Variants in SSTR1 observed in about 807,000 individuals in gnomAD.
SSTR1 encodes somatostatin receptor 1.
Under a neutral mutation model 20.7 loss-of-function variants are expected in SSTR1, and 10 were observed. That is an observed-to-expected ratio of 0.48 (90% CI 0.30 to 0.82). SSTR1 has a LOEUF of 0.82. SSTR1 is among the 40% of genes least tolerant of loss of function. The pLI is 0.07. For synonymous variants in SSTR1, 267 were observed against 227.8 expected (o/e 1.17, Z -1.55); for missense variants, 494 against 540.0 (o/e 0.91, Z 0.84).
rs922214514 is a variant in SSTR1, at chr14:38,212,696, T to C, written c.*2131T>C. The C allele has an allele frequency of 1.8e-5, 3 of 166,922 alleles. No homozygotes were observed. Among genetic ancestry groups the C allele is most frequent in the African/African-American group, 7.2e-5 (3 of 41,392 alleles). The allele number at this position is 166,922 out of a possible 1,614,324, so 10.3% of individuals were successfully genotyped here. On this transcript the variant is annotated 3_prime_UTR_variant, in exon 3 of 3. Transcript: ENST00000267377. ...CAATCTGGAGATACTAAATCTGGGG[T>C]TCTCAGGTTCACTCATTGACATGAT...
rs751461076 is a variant in SSTR1, at chr14:38,210,054, G to A, written c.665G>A (p.Gly222Asp). The A allele has an allele frequency of 2.5e-6, 4 of 1,614,190 alleles. No homozygotes were observed. The highest frequency in any genetic ancestry group is 3.4e-6 in the Non-Finnish European group (4 of 1,180,046). Residue 222 changes from glycine to aspartate, a missense_variant, in exon 3 of 3, where the codon GGC becomes GAC. Gly to Asp is a moderately conservative substitution (Grantham distance 94, BLOSUM62 -1). Coordinates refer to ENST00000267377, the MANE Select transcript of SSTR1 (RefSeq NM_001049.3). The part of the protein sequence containing the change: ...MPEPAQRWLV[G>D]FVLYTFLMGF... Reference sequence around the variant, plus strand: ...GAGCCCGCTCAACGCTGGCTGGTGGGCTTCGTGTTGTACACATTTCTCATG... The same window carrying A: ...GAGCCCGCTCAACGCTGGCTGGTGGACTTCGTGTTGTACACATTTCTCATG...
chr14:38,212,004 C>G lies in SSTR1; in HGVS notation c.*1439C>G, dbSNP rs912182530. ...GGGCCCTCTTATCTCATCCTTTCCTCTAGCTTTTCTATTTTTGATTGTGTT... is the reference window on the plus strand; with the variant it reads ...GGGCCCTCTTATCTCATCCTTTCCTGTAGCTTTTCTATTTTTGATTGTGTT... On this transcript the variant is annotated 3_prime_UTR_variant, in exon 3 of 3. Transcript: ENST00000267377. 1 of 166,994 alleles carries G rather than the reference C, an allele frequency of 6.0e-6. No homozygotes were observed. Among genetic ancestry groups the G allele is most frequent in the African/African-American group, 2.4e-5 (1 of 41,422 alleles). The allele number at this position is 166,994 out of a possible 1,614,324, so 10.3% of individuals were successfully genotyped here. A position where few individuals can be genotyped will look rare whatever the true frequency, so the allele number is the denominator to read the frequency against.
Position 38,209,176 on chromosome 14 carries a change from A to G in SSTR1, c.-214A>G. ...GGTCGCCTGTGCCCGGGCACCCCGG[A>G]GCTGCAAACTGCAGAGCCCAGGCAA... On this transcript the variant is annotated 5_prime_UTR_variant, in exon 3 of 3. Transcript: ENST00000267377. 2.1e-6 allele frequency: 1 copy of G among 474,570 alleles called. No homozygotes were observed. Among genetic ancestry groups the G allele is most frequent in the Non-Finnish European group, 3.5e-6 (1 of 288,722 alleles). 29.4% of individuals were successfully genotyped at this position (474,570 alleles called of 1,614,324 possible). A position where few individuals can be genotyped will look rare whatever the true frequency, so the allele number is the denominator to read the frequency against.
Position 38,209,534 on chromosome 14 carries a change from G to A in SSTR1, c.145G>A (p.Gly49Arg), listed in dbSNP as rs772331805. The change falls in exon 3 of 3, where the codon GGG becomes AGG. Residue 49 changes from glycine (G) to arginine (R), a missense_variant. Coordinates refer to ENST00000267377, the MANE Select transcript of SSTR1 (RefSeq NM_001049.3). ...EEPGRNASQN[G>R]TLSEGQGSAI... ...GCCAGGGCGAAATGCGTCCCAGAACGGGACCTTGAGCGAGGGCCAGGGCAG... is the reference window on the plus strand; with the variant it reads ...GCCAGGGCGAAATGCGTCCCAGAACAGGACCTTGAGCGAGGGCCAGGGCAG... 3.1e-6 allele frequency: 5 copies of A among 1,598,710 alleles called. No individual in the cohort carries two copies. Among genetic ancestry groups the A allele is most frequent in the Non-Finnish European group, 3.4e-6 (4 of 1,170,454 alleles).
At position 38,211,774 on chromosome 14, in the gene SSTR1, G is replaced by T. The variant is rs1001377547; in HGVS notation, c.*1209G>T. On this transcript the variant is annotated 3_prime_UTR_variant, in exon 3 of 3. Transcript: ENST00000267377. ...TCTCTAGAGGGTTGCTGCCTTTCAAGCGGTGCCTAAGAAGTTATTTTCTTG... is the reference window on the plus strand; with the variant it reads ...TCTCTAGAGGGTTGCTGCCTTTCAATCGGTGCCTAAGAAGTTATTTTCTTG... 1.2e-5 allele frequency: 2 copies of T among 167,138 alleles called. No homozygotes were observed. The highest frequency in any genetic ancestry group is 4.8e-5 in the African/African-American group (2 of 41,482). 10.4% of individuals were successfully genotyped at this position (167,138 alleles called of 1,614,324 possible).
rs1178719122 is a variant in SSTR1 at position 38,211,080 on chromosome 14, A to C, written c.*515A>C. 5.9e-6 allele frequency: 1 copy of C among 168,706 alleles called. No individual in the cohort carries two copies. Among genetic ancestry groups the C allele is most frequent in the African/African-American group, 2.4e-5 (1 of 41,406 alleles). 10.5% of individuals were successfully genotyped at this position (168,706 alleles called of 1,614,324 possible). A position where few individuals can be genotyped will look rare whatever the true frequency, so the allele number is the denominator to read the frequency against. On this transcript the variant is annotated 3_prime_UTR_variant, in exon 3 of 3. Transcript: ENST00000267377. ...AGGTTCTGTCTGGTGCCCCTACTGG[A>C]GTCCCGGGAATGACCGCTCTCCCTT...
Position 38,209,776 on chromosome 14 carries a change from C to G in SSTR1, c.387C>G (p.Leu129=), listed in dbSNP as rs1883288270. The change falls in exon 3 of 3, where the codon CTC becomes CTG. Residue 129 remains leucine (L), a synonymous_variant. Transcript: ENST00000267377. Reference sequence around the variant, plus strand: ...GCCACTGGCCCTTCGGTGCGCTGCTCTGCCGCCTCGTGCTCAGCGTGGACG... The same window carrying G: ...GCCACTGGCCCTTCGGTGCGCTGCTGTGCCGCCTCGTGCTCAGCGTGGACG... ...LLRHWPFGAL[L]CRLVLSVDAV... 6.2e-7 allele frequency: 1 copy of G among 1,614,056 alleles called. No homozygotes were observed. The highest frequency in any genetic ancestry group is 8.5e-7 in the Non-Finnish European group (1 of 1,180,048).
rs1380151768 is a variant in SSTR1 at position 38,212,746 on chromosome 14, A to G, written c.*2181A>G. 2.4e-5 allele frequency: 4 copies of G among 167,052 alleles called. No individual in the cohort carries two copies. Among genetic ancestry groups the G allele is most frequent in the Non-Finnish European group, 5.9e-5 (4 of 68,126 alleles). The allele number at this position is 167,052 out of a possible 1,614,324, so 10.3% of individuals were successfully genotyped here. A position where few individuals can be genotyped will look rare whatever the true frequency, so the allele number is the denominator to read the frequency against. ...TATACAATGGTTAAAATCACTATTG[A>G]AAAATACGTTTTGTGTATATTTGCT... is the stretch of plus-strand genomic sequence containing the variant. On this transcript the variant is annotated 3_prime_UTR_variant, in exon 3 of 3. Coordinates refer to ENST00000267377, the MANE Select transcript of SSTR1 (RefSeq NM_001049.3).
intron 2 of SSTR1, 40 bp downstream of exon 2, chr14:38,208,649 CAAGGCAAGCGAGG>C (rs1394842349): frequency 1.3e-5 from 2 of 152,498 alleles, no homozygotes. Context: ...GTCTGAGCTG[CAAGGCAAGCGAGG>C]GTGGGAAGAG....
At position 38,208,070 on chromosome 14, in the gene SSTR1, A is replaced by C. The variant is rs909799520; in HGVS notation, c.-546A>C. 6.6e-6 allele frequency: 1 copy of C among 152,248 alleles called. No homozygotes were observed. Among genetic ancestry groups the C allele is most frequent in the African/African-American group, 2.4e-5 (1 of 41,460 alleles). 9.4% of individuals were successfully genotyped at this position (152,248 alleles called of 1,614,324 possible). On this transcript the variant is annotated 5_prime_UTR_variant, in exon 1 of 3. Transcript: ENST00000267377. ...GCGTCCCCGCCCGCCCAAGCCTTTAAACTCTCGTCTGCCAGAACCCGCCAA... is the reference window on the plus strand; with the variant it reads ...GCGTCCCCGCCCGCCCAAGCCTTTACACTCTCGTCTGCCAGAACCCGCCAA...
At position 38,209,351 on chromosome 14, in the gene SSTR1, C is replaced by T; in HGVS notation, c.-39C>T. The T allele has an allele frequency of 3.5e-6, 5 of 1,445,160 alleles. No individual in the cohort carries two copies. The highest frequency in any genetic ancestry group is 3.6e-6 in the Non-Finnish European group (4 of 1,100,104). 89.5% of individuals were successfully genotyped at this position (1,445,160 alleles called of 1,614,324 possible). Reference sequence around the variant, plus strand: ...AGGCGGCGGGTGCGCGAGGAGAAAGCCCCAGCCCTGGCAGCCCCACTGGCC... The same window carrying T: ...AGGCGGCGGGTGCGCGAGGAGAAAGTCCCAGCCCTGGCAGCCCCACTGGCC... On this transcript the variant is annotated 5_prime_UTR_variant, in exon 3 of 3. Transcript: ENST00000267377.
At position 38,208,028 on chromosome 14, in the gene SSTR1, T is replaced by A. The variant is rs1883244005; in HGVS notation, c.-588T>A. 1 of 152,236 alleles carries A rather than the reference T, an allele frequency of 6.6e-6. No individual in the cohort carries two copies. Among genetic ancestry groups the A allele is most frequent in the African/African-American group, 2.4e-5 (1 of 41,448 alleles). The allele number at this position is 152,236 out of a possible 1,614,324, so 9.4% of individuals were successfully genotyped here. ...CATCGCACGGCGGCAGCTCCTCACC[T>A]GGATTTAGAAGAGCTGGCGTCCCCG... On this transcript the variant is annotated 5_prime_UTR_variant, in exon 1 of 3. Transcript: ENST00000267377.
In SSTR1 at chr14:38,210,319, C is replaced by T; in HGVS notation, c.930C>T (p.Ile310=). The T allele has an allele frequency of 1.2e-6, 2 of 1,614,256 alleles. No homozygotes were observed. The highest frequency in any genetic ancestry group is 2.2e-5 in the South Asian group (2 of 91,086). ...CCACGGTGAGTCAGCTGTCGGTCAT[C>T]CTCGGCTATGCCAACAGCTGCGCCA... ...DDATVSQLSV[I]LGYANSCANP... is the part of the protein sequence containing the mutation. Residue 310 remains isoleucine (I), a synonymous_variant, in exon 3 of 3, where the codon ATC becomes ATT. Transcript: ENST00000267377.
chr14:38,209,148 C>T lies in SSTR1; in HGVS notation c.-242C>T. 2.3e-6 allele frequency: 1 copy of T among 429,726 alleles called. No individual in the cohort carries two copies. The highest frequency in any genetic ancestry group is 4.0e-6 in the Non-Finnish European group (1 of 250,352). 26.6% of individuals were successfully genotyped at this position (429,726 alleles called of 1,614,324 possible). ...CTCCCACATCCTGGCCTCTCCTCTCCACGGTCGCCTGTGCCCGGGCACCCC... is the reference window on the plus strand; with the variant it reads ...CTCCCACATCCTGGCCTCTCCTCTCTACGGTCGCCTGTGCCCGGGCACCCC... On this transcript the variant is annotated 5_prime_UTR_variant, in exon 3 of 3. Transcript: ENST00000267377.
rs1018275763 is a variant in SSTR1 at position 38,212,463 on chromosome 14, A to T, written c.*1898A>T. ...GGTGATTCTTACATATGATCCAGTT[A>T]ACATCATCACTTTTTTTGAGGACAT... On this transcript the variant is annotated 3_prime_UTR_variant, in exon 3 of 3. Coordinates refer to ENST00000267377, the MANE Select transcript of SSTR1 (RefSeq NM_001049.3). The T allele has an allele frequency of 2.7e-4, 45 of 167,118 alleles. No homozygotes were observed. Among genetic ancestry groups the T allele is most frequent in the African/African-American group, 1.0e-3 (43 of 41,470 alleles). 10.4% of individuals were successfully genotyped at this position (167,118 alleles called of 1,614,324 possible). A position where few individuals can be genotyped will look rare whatever the true frequency, so the allele number is the denominator to read the frequency against.
chr14:38,208,420 C>T (rs1363007895), intron 1 of SSTR1, 23 bp from the exon 2 acceptor site: 2 of 152,242 alleles, frequency 1.3e-5, no homozygotes, highest in Non-Finnish European at 2.9e-5. Flanking sequence ...GGTGGTTGTC[C>T]TTTCTTCTCA....
chr14:38,209,379 C>G lies in SSTR1; in HGVS notation c.-11C>G. On this transcript the variant is annotated 5_prime_UTR_variant, in exon 3 of 3. Coordinates refer to ENST00000267377, the MANE Select transcript of SSTR1 (RefSeq NM_001049.3). The stretch of plus-strand genomic sequence containing the variant: ...CAGCCCTGGCAGCCCCACTGGCCCC[C>G]CTCAGCTGGGATGTTCCCCAATGGC... The G allele has an allele frequency of 1.3e-6, 2 of 1,482,552 alleles. No individual in the cohort carries two copies. Among genetic ancestry groups the G allele is most frequent in the Non-Finnish European group, 8.9e-7 (1 of 1,118,564 alleles). 91.8% of individuals were successfully genotyped at this position (1,482,552 alleles called of 1,614,324 possible).
rs780898547 is a variant in SSTR1, at chr14:38,210,179, C to T, written c.790C>T (p.Arg264Cys). The T allele has an allele frequency of 2.5e-5, 40 of 1,614,250 alleles. No individual in the cohort carries two copies. Among genetic ancestry groups the T allele is most frequent in the Non-Finnish European group, 3.0e-5 (35 of 1,180,054 alleles). The change falls in exon 3 of 3, where the codon CGC becomes TGC. Residue 264 changes from arginine to cysteine, a missense_variant. By Grantham distance (180) the Arg-to-Cys change is radical (BLOSUM62 -3). Transcript: ENST00000267377. ...ALKAGWQQRK[R>C]SERKITLMVM... ...CAAGGCCGGCTGGCAGCAGCGCAAG[C>T]GCTCGGAGCGCAAGATCACCTTAAT... is the stretch of plus-strand genomic sequence containing the variant.
rs545534372 is a variant in SSTR1 at position 38,209,114 on chromosome 14, C to T, written c.-276C>T. The T allele has an allele frequency of 4.7e-5, 18 of 384,214 alleles. No homozygotes were observed. Among genetic ancestry groups the T allele is most frequent in the Middle Eastern group, 6.6e-4 (1 of 1,512 alleles). The allele number at this position is 384,214 out of a possible 1,614,324, so 23.8% of individuals were successfully genotyped here. ...GAGCCGCGCCAGTTAATGGCTGTGC[C>T]GTGCGGTGCTCCCACATCCTGGCCT... On this transcript the variant is annotated 5_prime_UTR_variant, in exon 3 of 3. Transcript: ENST00000267377.
Sources: allele counts gnomAD v4.1 joint callset, GRCh38; gene constraint gnomAD v4.1.1; transcripts MANE v1.5; gene names NCBI Gene and HGNC (gene_info 2026-07-23, HGNC 2026-07-21).